CNTNAP5: variants seen among roughly 807,000 people sequenced by gnomAD.
CNTNAP5 encodes contactin-associated protein-like 5.
A neutral mutation model predicts 150.2 loss-of-function variants in CNTNAP5; 72 were observed. The ratio of observed to expected loss-of-function variants is 0.48; its 90% CI spans 0.40 to 0.58. The LOEUF (loss-of-function observed/expected upper bound fraction) is 0.58. CNTNAP5 is among the 20% of genes least tolerant of loss of function. The pLI is 0.00. For missense variants in CNTNAP5, 1,636 were observed against 1,626.2 expected, an observed-to-expected ratio of 1.01 and a Z score of -0.10; for synonymous variants, 672 against 619.8, an observed-to-expected ratio of 1.08 and a Z score of -1.25.
At chr2:124,803,112 CA>C (rs762676238) in intron 19 of CNTNAP5, among the ~76,000 whole-genome samples, 1,504 of 102,080 alleles carry the variant, frequency 0.015, 4 homozygotes, top group African/African-American at 0.025. Context: ...AAGACTCCTT[CA>C]AAAAAAAAAA....
chr2:124,211,842 T>C (rs914296583), intron 1 of CNTNAP5, among the ~76,000 whole-genome samples: 1 of 152,164 alleles, frequency 6.6e-6, no homozygotes, highest in Non-Finnish European at 1.5e-5. Flanking sequence ...CCATGCAAGA[T>C]GAAAAAGGTT....
intron 3 of CNTNAP5, among the ~76,000 whole-genome samples, chr2:124,371,543 T>C (rs1162375299): frequency 6.6e-6 from 1 of 152,144 alleles, no homozygotes; most frequent in Non-Finnish European, 1.5e-5. Context: ...GGATTTCTTA[T>C]AGAGTTTAGT....
intron 3 of CNTNAP5, among the ~76,000 whole-genome samples, chr2:124,316,804 C>CAAAAAAAAAAAAAAAAAAAAA (rs56812690): frequency 1.5e-4 from 8 of 54,760 alleles, no homozygotes; most frequent in Admixed American, 2.8e-4. Flanking sequence ...GACTCCATCT[C>CAAAAAAAAAAAAAAAAAAAAA]AAAAAAAAAA....
chr2:124,332,511 C>G (rs1558854681), intron 3 of CNTNAP5, among the ~76,000 whole-genome samples: 1 of 151,172 alleles, frequency 6.6e-6, no homozygotes, highest in Non-Finnish European at 1.5e-5. Flanking sequence ...TATATTTTGT[C>G]TTTTTATAAA....
chr2:124,858,608 A>G (rs950154215), intron 19 of CNTNAP5, among the ~76,000 whole-genome samples: 9 of 152,354 alleles, frequency 5.9e-5, no homozygotes, highest in Non-Finnish European at 1.2e-4. Flanking sequence ...AATATCGTGA[A>G]AATCAAGTTA....
rs141717705 is a variant in CNTNAP5, at chr2:124,563,959, G to C, written c.1756+636G>C. 1.7e-3 allele frequency among the ~76,000 whole-genome samples: 254 copies of C among 152,286 alleles called. 1 individual carries two copies. The highest frequency in any genetic ancestry group is 5.7e-3 in the African/African-American group (238 of 41,566). ...CGTGGGCACACCCAACCTCAATAGG[G>C]GCTGAAGTGCAATCTTGCCGTGGAA... On this transcript the variant is annotated intron_variant, in intron 11 of 23. Coordinates refer to ENST00000682447, the MANE Select transcript of CNTNAP5 (RefSeq NM_001367498.1).
chr2:124,645,228 C>T (rs963520350), intron 12 of CNTNAP5, among the ~76,000 whole-genome samples: 1 of 152,060 alleles, frequency 6.6e-6, no homozygotes, highest in East Asian at 1.9e-4. Flanking sequence ...TGAATTATGT[C>T]TTATTTTTGT....
At chr2:124,446,714 G>A (rs746779862) in intron 5 of CNTNAP5, 39 bp from the exon 6 acceptor site, 3 of 1,595,702 alleles carry the variant, frequency 1.9e-6, no homozygotes, top group Admixed American at 3.4e-5. Context: ...AGCTGCCCTT[G>A]GACACAGACA....
intron 19 of CNTNAP5, among the ~76,000 whole-genome samples, chr2:124,853,038 T>G (rs1406532373): frequency 6.6e-6 from 1 of 152,172 alleles, no homozygotes; most frequent in Non-Finnish European, 1.5e-5. Flanking sequence ...AGGATTGACA[T>G]GAACTGATGT....
chr2:124,394,668 C>G (rs1403186240), intron 3 of CNTNAP5, among the ~76,000 whole-genome samples: 2 of 152,186 alleles, frequency 1.3e-5, no homozygotes, highest in Admixed American at 6.5e-5. Flanking sequence ...TTTAACAGCT[C>G]TCTTATAAAC....
intron 3 of CNTNAP5, among the ~76,000 whole-genome samples, chr2:124,253,171 G>A (rs1248191903): frequency 6.6e-6 from 1 of 151,834 alleles, no homozygotes; most frequent in Non-Finnish European, 1.5e-5. Context: ...TCTCATTAAT[G>A]TTATAATGAA....
intron 1 of CNTNAP5, among the ~76,000 whole-genome samples, chr2:124,217,576 G>A (rs998711258): frequency 2.0e-5 from 3 of 152,240 alleles, no homozygotes; most frequent in Non-Finnish European, 4.4e-5. Context: ...GCAGGCTCGT[G>A]TCTTCACCCA....
chr2:124,311,090 G>A (rs1033164922), intron 3 of CNTNAP5, among the ~76,000 whole-genome samples: 8 of 152,130 alleles, frequency 5.3e-5, no homozygotes, highest in East Asian at 1.9e-4. Flanking sequence ...GTCTTCTCAC[G>A]TCTTCCTAAG....
At chr2:124,599,582 A>C (rs1443065986) in intron 11 of CNTNAP5, among the ~76,000 whole-genome samples, 1 of 152,206 alleles carries the variant, frequency 6.6e-6, no homozygotes, top group Non-Finnish European at 1.5e-5. Flanking sequence ...TACATAACAA[A>C]TGTGGAAGAT....
intron 13 of CNTNAP5, among the ~76,000 whole-genome samples, chr2:124,682,392 C>A (rs1366567106): frequency 6.6e-6 from 1 of 152,174 alleles, no homozygotes; most frequent in East Asian, 1.9e-4. Context: ...TAAATAACCA[C>A]CACACTGTGA....
intron 7 of CNTNAP5, among the ~76,000 whole-genome samples, chr2:124,498,373 G>A (rs1194289686): frequency 6.6e-6 from 1 of 152,112 alleles, no homozygotes; most frequent in East Asian, 1.9e-4. Flanking sequence ...AAATATTTTA[G>A]GCTACAGTTT....
At chr2:124,868,801 A>G (rs138380260) in intron 20 of CNTNAP5, among the ~76,000 whole-genome samples, 115 of 152,254 alleles carry the variant, frequency 7.6e-4, no homozygotes, top group African/African-American at 2.6e-3. Context: ...AGTCAGGCAC[A>G]TGGCTAATGG....
At chr2:124,632,227 A>G (rs1242774371) in intron 12 of CNTNAP5, among the ~76,000 whole-genome samples, 1 of 152,216 alleles carries the variant, frequency 6.6e-6, no homozygotes, top group Non-Finnish European at 1.5e-5. Context: ...AATGTAAATT[A>G]TTCTATTATA....
chr2:124,423,582 G>C (rs938553971), intron 4 of CNTNAP5, among the ~76,000 whole-genome samples: 8 of 147,708 alleles, frequency 5.4e-5, no homozygotes, highest in African/African-American at 2.0e-4. Context: ...TCCTGACCTC[G>C]TGATCCGCCC....
Sources: gnomAD v4.1 joint callset for allele counts (sites outside exome capture counted in the v4.1 genomes callset) on GRCh38, gnomAD v4.1.1 for gene constraint, MANE v1.5 for transcripts, NCBI Gene and HGNC (gene_info 2026-07-23, HGNC 2026-07-21) for gene names.